Variants in ADAMTS17 observed in about 807,000 individuals in gnomAD.
ADAMTS17 encodes A disintegrin and metalloproteinase with thrombospondin motifs 17.
ADAMTS17 carries 113 observed loss-of-function variants against 141.5 expected under a neutral mutation model. That is an observed-to-expected ratio of 0.80 (90% CI 0.69 to 0.93). The LOEUF is 0.93. Among genes scored for constraint, ADAMTS17 ranks in the 40% least tolerant of loss-of-function variants. ADAMTS17 has a pLI of 0.00. For missense variants in ADAMTS17, 1,659 were observed against 1,517.9 expected (o/e 1.09, Z -1.54); for synonymous variants, 768 against 630.6 (o/e 1.22, Z -3.27).
chr15:100,153,823 C>A (rs2039304116), intron 9 of ADAMTS17, among the ~76,000 whole-genome samples: 2 of 152,172 alleles, frequency 1.3e-5, no homozygotes, highest in Admixed American at 1.3e-4. Flanking sequence ...CAGACTGATC[C>A]TGGTTTACTT....
intron 18 of ADAMTS17, among the ~76,000 whole-genome samples, chr15:100,025,145 A>G (rs1361268531): frequency 6.6e-6 from 1 of 152,180 alleles, no homozygotes; most frequent in Non-Finnish European, 1.5e-5. Flanking sequence ...TGTTATTTGA[A>G]GCATAAATAT....
intron 3 of ADAMTS17, 22 bp from the exon 4 acceptor site, chr15:100,281,423 TG>T (rs1567480985): frequency 6.2e-7 from 1 of 1,608,544 alleles, no homozygotes. Flanking sequence ...TGGAAACATT[TG>T]TGCGGTCCTT....
chr15:99,985,357 C>CA (rs2060564577), intron 20 of ADAMTS17, among the ~76,000 whole-genome samples: 1 of 152,208 alleles, frequency 6.6e-6, no homozygotes, highest in Non-Finnish European at 1.5e-5. Flanking sequence ...AAAAGGGCCC[C>CA]AGGGTCCCCA....
chr15:100,072,523 T>C (rs1284486810), intron 15 of ADAMTS17, among the ~76,000 whole-genome samples: 1 of 151,922 alleles, frequency 6.6e-6, no homozygotes, highest in Admixed American at 6.6e-5. Flanking sequence ...AAGGCTACAG[T>C]AACCAAAACA....
In ADAMTS17 at chr15:99,992,460, A is replaced by G. The variant is rs1485287439; in HGVS notation, c.2949+588T>C. Among the ~76,000 whole-genome samples the G allele has an allele frequency of 2.0e-5, 3 of 152,246 alleles. No individual in the cohort carries two copies. In the East Asian group the frequency reaches 5.8e-4, roughly 29 times the overall value. ...CCTTGGTCCCCAGAAAACAGGAATC[A>G]TTCAAATATATCAGATGAATGAATA... On this transcript the variant is annotated intron_variant, in intron 20 of 21. Coordinates refer to ENST00000268070, the MANE Select transcript of ADAMTS17 (RefSeq NM_139057.4).
intron 8 of ADAMTS17, among the ~76,000 whole-genome samples, chr15:100,167,898 T>C (rs1208364379): frequency 1.3e-5 from 2 of 152,192 alleles, no homozygotes; most frequent in South Asian, 2.1e-4. Context: ...ATGCACGTGA[T>C]GAATGTCACA....
At chr15:100,301,941 T>C (rs2045054617) in intron 3 of ADAMTS17, among the ~76,000 whole-genome samples, 1 of 152,246 alleles carries the variant, frequency 6.6e-6, no homozygotes, top group Non-Finnish European at 1.5e-5. Flanking sequence ...CCATATATTA[T>C]ACAATTCACC....
chr15:99,985,134 G>A (rs1433079280), intron 20 of ADAMTS17, among the ~76,000 whole-genome samples: 1 of 152,252 alleles, frequency 6.6e-6, no homozygotes, highest in African/African-American at 2.4e-5. Context: ...ATGGCCCAGC[G>A]GCGGGCTCTG....
chr15:100,088,424 T>G (rs1306060962), intron 15 of ADAMTS17, among the ~76,000 whole-genome samples: 1 of 152,194 alleles, frequency 6.6e-6, no homozygotes, highest in Non-Finnish European at 1.5e-5. Flanking sequence ...CAAGGTAATT[T>G]ATAGATTCAA....
At chr15:100,340,046 A>G (rs139367016) in intron 2 of ADAMTS17, among the ~76,000 whole-genome samples, 75 of 152,326 alleles carry the variant, frequency 4.9e-4, no homozygotes, top group Non-Finnish European at 9.1e-4. Context: ...ACACAAACTA[A>G]TATCAGAAAC....
rs142879728 is a variant in ADAMTS17, at chr15:100,063,629, A to C, written c.2138-9575T>G. The stretch of plus-strand genomic sequence containing the variant: ...GAACCAATTTACCAGACTGATCATC[A>C]AAATCGATTCTCAACACATAAATGG... On this transcript the variant is annotated intron_variant, in intron 15 of 21. Coordinates refer to ENST00000268070, the MANE Select transcript of ADAMTS17 (RefSeq NM_139057.4). 2.3e-6 allele frequency: 3 copies of C among 1,284,024 alleles called. No homozygotes were observed. The East Asian group carries it at 1.7e-4, about 71-fold the overall frequency. The allele number at this position is 1,284,024 out of a possible 1,614,324, so 79.5% of individuals were successfully genotyped here. A position where few individuals can be genotyped will look rare whatever the true frequency, so the allele number is the denominator to read the frequency against.
intron 8 of ADAMTS17, among the ~76,000 whole-genome samples, chr15:100,170,730 C>T (rs2040127544): frequency 6.6e-6 from 1 of 152,186 alleles, no homozygotes; most frequent in South Asian, 2.1e-4. Flanking sequence ...CCCTTTTAAA[C>T]TGCTTATATC....
At chr15:100,315,314 C>T (rs1281754523) in intron 3 of ADAMTS17, among the ~76,000 whole-genome samples, 2 of 152,174 alleles carry the variant, frequency 1.3e-5, no homozygotes, top group African/African-American at 4.8e-5. Context: ...TTTTCTCTCC[C>T]CCCACCCTTC....
intron 19 of ADAMTS17, among the ~76,000 whole-genome samples, chr15:99,996,117 C>G (rs1453319368): frequency 6.6e-6 from 1 of 150,908 alleles, no homozygotes; most frequent in Non-Finnish European, 1.5e-5. Context: ...TGCAATGGCG[C>G]AATCTCGGCT....
Position 100,281,334 on chromosome 15 carries a change from G to A in ADAMTS17, c.684C>T (p.Leu228=), listed in dbSNP as rs776936851. Residue 228 remains leucine (L), a synonymous_variant, in exon 4 of 22, where the codon CTC becomes CTT. Transcript: ENST00000268070. ...DWRERRNAIR[L]TSEHTVETLV... Reference sequence around the variant, plus strand: ...GGGTCTCCACCGTGTGCTCGCTGGTGAGCCGGATAGCGTTCCTCCGCTCCC... The same window carrying A: ...GGGTCTCCACCGTGTGCTCGCTGGTAAGCCGGATAGCGTTCCTCCGCTCCC... 1 of 1,610,740 alleles carries A rather than the reference G, an allele frequency of 6.2e-7. No homozygotes were observed. The highest frequency in any genetic ancestry group is 8.5e-7 in the Non-Finnish European group (1 of 1,179,928).
At chr15:100,098,219 G>A (rs557814422) in intron 14 of ADAMTS17, among the ~76,000 whole-genome samples, 21 of 152,076 alleles carry the variant, frequency 1.4e-4, no homozygotes, top group South Asian at 4.2e-4. Flanking sequence ...ATGCTTTGCC[G>A]GGGCTGACCA....
chr15:100,290,527 C>G (rs1050123228), intron 3 of ADAMTS17, among the ~76,000 whole-genome samples: 1 of 152,108 alleles, frequency 6.6e-6, no homozygotes, highest in African/African-American at 2.4e-5. Context: ...TCATATGGAA[C>G]CAGGAAAGAG....
At chr15:100,068,392 T>C (rs187796045) in intron 15 of ADAMTS17, among the ~76,000 whole-genome samples, 2 of 152,300 alleles carry the variant, frequency 1.3e-5, no homozygotes, top group Admixed American at 1.3e-4. Flanking sequence ...TCTGACAGCC[T>C]TGAAGAGAGT....
chr15:100,258,086 C>T (rs1221079492), intron 6 of ADAMTS17, among the ~76,000 whole-genome samples: 1 of 152,244 alleles, frequency 6.6e-6, no homozygotes, highest in Middle Eastern at 3.2e-3. Context: ...TTCCCTTGTA[C>T]ATATACAGCA....
Sources: allele counts gnomAD v4.1 joint callset (sites outside exome capture counted in the v4.1 genomes callset), GRCh38; gene constraint gnomAD v4.1.1; transcripts MANE v1.5; gene names NCBI Gene and HGNC (gene_info 2026-07-23, HGNC 2026-07-21).